Variants in BCL2L1 observed in about 807,000 individuals in gnomAD.
The protein encoded by BCL2L1 is bcl-2-like protein 1.
BCL2L1 carries 1 observed loss-of-function variant against 18.7 expected under a neutral mutation model. The observed-to-expected ratio is 0.05, with a 90% CI of 0.02 to 0.25. The LOEUF (loss-of-function observed/expected upper bound fraction) is 0.25, where lower values mean the gene tolerates loss of function less well. Among genes scored for constraint, BCL2L1 ranks in the 10% least tolerant of loss-of-function variants. The pLI is 1.00. For synonymous variants in BCL2L1, 103 were observed against 122.7 expected, an observed-to-expected ratio of 0.84 and a Z score of 1.06; for missense variants, 207 against 304.9, an observed-to-expected ratio of 0.68 and a Z score of 2.39.
chr20:31,711,839 G>T (rs914904148), intron 2 of BCL2L1, among the ~76,000 whole-genome samples: 2 of 152,154 alleles, frequency 1.3e-5, no homozygotes, highest in South Asian at 2.1e-4. Flanking sequence ...TTGGTAAATT[G>T]AAAGTATTAT....
chr20:31,707,122 A>G (rs142769761), intron 2 of BCL2L1, among the ~76,000 whole-genome samples: 22 of 152,328 alleles, frequency 1.4e-4, no homozygotes, highest in African/African-American at 5.3e-4. Flanking sequence ...AAAACAAAAT[A>G]TGCCCCATTG....
intron 2 of BCL2L1, among the ~76,000 whole-genome samples, chr20:31,673,613 T>C (rs2060709819): frequency 6.6e-6 from 1 of 151,878 alleles, no homozygotes; most frequent in Non-Finnish European, 1.5e-5. Context: ...TTGGGGCCAC[T>C]GTACTCCAGC....
chr20:31,691,785 A>G (rs760723537), intron 2 of BCL2L1, among the ~76,000 whole-genome samples: 2 of 152,250 alleles, frequency 1.3e-5, no homozygotes, highest in Non-Finnish European at 2.9e-5. Flanking sequence ...TGAATGGCCA[A>G]CAGATGTAAG....
chr20:31,674,477 C>T (rs2060724344), intron 2 of BCL2L1, among the ~76,000 whole-genome samples: 2 of 152,164 alleles, frequency 1.3e-5, no homozygotes, highest in South Asian at 4.1e-4. Flanking sequence ...TTCTAAAGGA[C>T]AATCATGGGC....
chr20:31,671,642 C>G (rs6119652), intron 2 of BCL2L1, among the ~76,000 whole-genome samples: 56,109 of 151,736 alleles, frequency 0.37, 12,505 homozygotes, highest in African/African-American at 0.61. Context: ...CAGCCGTGAG[C>G]AAGGCTTCCA....
intron 2 of BCL2L1, among the ~76,000 whole-genome samples, chr20:31,690,031 A>C (rs1325554769): frequency 6.6e-6 from 1 of 152,218 alleles, no homozygotes; most frequent in Non-Finnish European, 1.5e-5. Flanking sequence ...AAAAGAAAAA[A>C]AGAAAAGATG....
At chr20:31,706,726 A>T (rs548292032) in intron 2 of BCL2L1, among the ~76,000 whole-genome samples, 44 of 152,334 alleles carry the variant, frequency 2.9e-4, no homozygotes, top group Middle Eastern at 3.4e-3. Flanking sequence ...TGTTGACTGA[A>T]TGAATGAATG....
intron 2 of BCL2L1, among the ~76,000 whole-genome samples, chr20:31,711,899 G>A (rs1474441622): frequency 6.6e-6 from 1 of 152,202 alleles, no homozygotes; most frequent in Non-Finnish European, 1.5e-5. Flanking sequence ...TAAGACAGTA[G>A]AGTGTGAATC....
At chr20:31,702,865 G>A (rs1332791557) in intron 2 of BCL2L1, among the ~76,000 whole-genome samples, 2 of 147,790 alleles carry the variant, frequency 1.4e-5, no homozygotes, top group African/African-American at 5.0e-5. Flanking sequence ...AGAACCGCTT[G>A]AACCCGGGAG....
intron 2 of BCL2L1, among the ~76,000 whole-genome samples, chr20:31,668,495 T>G (rs990065780): frequency 9.2e-5 from 14 of 151,426 alleles, no homozygotes; most frequent in Non-Finnish European, 1.8e-4. Context: ...TTAGTAGAGA[T>G]AAGGTTTTGC....
rs185582732 is a variant in BCL2L1, at chr20:31,682,373, C to A, written c.565-16287G>T. On this transcript the variant is annotated intron_variant, in intron 2 of 2. Coordinates refer to ENST00000307677, the MANE Select transcript of BCL2L1 (RefSeq NM_138578.3). ...TTTTAGAGCTGGAAGGCAGCACAGA[C>A]ACATTTGGTCCACTCTATCCACAAT... 3.9e-5 allele frequency among the ~76,000 whole-genome samples: 6 copies of A among 152,338 alleles called. No homozygotes were observed. The East Asian group carries it at 1.2e-3, about 29-fold the overall frequency.
At chr20:31,723,868 C>T, upstream of BCL2L1, 1 of 985,486 alleles carries the variant, frequency 1.0e-6, no homozygotes, top group Non-Finnish European at 1.2e-6. Context: ...GCCTACCTGG[C>T]TGACTGCTCG....
intron 2 of BCL2L1, among the ~76,000 whole-genome samples, chr20:31,678,071 G>A (rs1308658024): frequency 1.3e-5 from 2 of 152,284 alleles, no homozygotes; most frequent in East Asian, 3.9e-4. Context: ...TAAGGAAAGG[G>A]GACAGGAAGC....
At chr20:31,714,884 G>A (rs992488492) in intron 2 of BCL2L1, among the ~76,000 whole-genome samples, 35 of 152,016 alleles carry the variant, frequency 2.3e-4, no homozygotes, top group Non-Finnish European at 2.8e-4. Context: ...TCCAGTCCCC[G>A]TCTCACTACA....
chr20:31,674,750 C>T (rs987931456), intron 2 of BCL2L1, among the ~76,000 whole-genome samples: 4 of 151,666 alleles, frequency 2.6e-5, no homozygotes, highest in African/African-American at 9.7e-5. Flanking sequence ...TGGCATGCAC[C>T]TATAGTCCCA....
intron 2 of BCL2L1, among the ~76,000 whole-genome samples, chr20:31,691,285 T>C (rs2061069550): frequency 6.8e-6 from 1 of 146,792 alleles, no homozygotes; most frequent in Non-Finnish European, 1.5e-5. Context: ...AGGCCAGGCA[T>C]GGAGGCTCAC....
intron 2 of BCL2L1, among the ~76,000 whole-genome samples, chr20:31,677,202 G>A (rs1269916388): frequency 1.5e-5 from 2 of 133,354 alleles, no homozygotes; most frequent in Non-Finnish European, 3.1e-5. Context: ...TTTTTTTTGA[G>A]ACAGAGTCTC....
chr20:31,720,671 A>T, intron 2 of BCL2L1: 1 of 975,546 alleles, frequency 1.0e-6, no homozygotes, highest in Non-Finnish European at 1.2e-6. Context: ...AGGCAAGGAG[A>T]GCTTGCCACA....
intron 2 of BCL2L1, among the ~76,000 whole-genome samples, chr20:31,666,827 G>A (rs2060595947): frequency 6.6e-6 from 1 of 152,174 alleles, no homozygotes; most frequent in South Asian, 2.1e-4. Context: ...CTGGGCCCAG[G>A]AGGTTGTGAT....
Sources: allele counts gnomAD v4.1 joint callset (sites outside exome capture counted in the v4.1 genomes callset), GRCh38; gene constraint gnomAD v4.1.1; transcripts MANE v1.5; gene names NCBI Gene and HGNC (gene_info 2026-07-23, HGNC 2026-07-21).